HERC4: variants seen among roughly 807,000 people sequenced by gnomAD.
The protein encoded by HERC4 is probable E3 ubiquitin-protein ligase HERC4.
A neutral mutation model predicts 124.3 loss-of-function variants in HERC4; 28 were observed. The ratio of observed to expected loss-of-function variants is 0.23; its 90% CI spans 0.17 to 0.31. The LOEUF is 0.31. HERC4 is among the 10% of genes least tolerant of loss of function. The pLI, the probability that HERC4 is intolerant of heterozygous loss-of-function variation, is 1.00. For synonymous variants in HERC4, 407 were observed against 421.5 expected (o/e 0.97, Z 0.42); for missense variants, 713 against 1,229.3 (o/e 0.58, Z 6.28).
In HERC4 at chr10:68,014,069, T is replaced by A. The variant is rs1185476462; in HGVS notation, c.1026A>T (p.Lys342Asn). 2 of 1,613,250 alleles carry A rather than the reference T, an allele frequency of 1.2e-6. No homozygotes were observed. Among genetic ancestry groups the A allele is most frequent in the African/African-American group, 2.7e-5 (2 of 74,900 alleles). The change falls in exon 9 of 25, where the codon AAA (lysine) becomes AAT (asparagine). Residue 342 changes from lysine to asparagine, a missense_variant. By Grantham distance (94) the Lys-to-Asn change is moderately conservative. Coordinates refer to ENST00000373700, the MANE Select transcript of HERC4 (RefSeq NM_015601.4). The part of the protein sequence containing the change: ...TSNRKSPFTV[K>N]GNWYPYNGQC... ...GCCCATTATAGGGGTACCAATTTCC[T>A]TTTACAGTAAAGGGGCTTTTCCTGT...
intron 3 of HERC4, among the ~76,000 whole-genome samples, chr10:68,053,539 C>T (rs898064913): frequency 6.6e-6 from 1 of 152,032 alleles, no homozygotes; most frequent in Non-Finnish European, 1.5e-5. Context: ...CCTGGACTCA[C>T]GTAATCCTCC....
intron 15 of HERC4, among the ~76,000 whole-genome samples, chr10:67,973,093 A>C (rs1361696559): frequency 5.9e-5 from 9 of 152,242 alleles, no homozygotes; most frequent in Admixed American, 5.2e-4. Flanking sequence ...ACAACTGCTG[A>C]ATCTAGAATG....
chr10:67,962,156 A>AT (rs1263996706), intron 16 of HERC4, among the ~76,000 whole-genome samples: 4 of 152,054 alleles, frequency 2.6e-5, no homozygotes, highest in African/African-American at 7.2e-5. Context: ...CACAGCCTTC[A>AT]TATCACCAAT....
chr10:67,983,861 G>A (rs2036094014), intron 15 of HERC4, among the ~76,000 whole-genome samples: 2 of 152,044 alleles, frequency 1.3e-5, no homozygotes, highest in African/African-American at 4.8e-5. Flanking sequence ...TACTCAGGAG[G>A]CTGAAGCAGC....
At chr10:67,972,866 G>A (rs1003764321) in intron 15 of HERC4, among the ~76,000 whole-genome samples, 4 of 152,090 alleles carry the variant, frequency 2.6e-5, no homozygotes, top group African/African-American at 9.7e-5. Flanking sequence ...TATAAATGAG[G>A]AAATTTGAAA....
intron 16 of HERC4, chr10:67,960,927 C>T: frequency 9.3e-6 from 3 of 322,272 alleles, no homozygotes; most frequent in Non-Finnish European, 1.8e-5. Context: ...TTATTGACCA[C>T]TTCTTTCAAG....
At chr10:67,963,490 G>A (rs1185437147) in intron 16 of HERC4, among the ~76,000 whole-genome samples, 3 of 152,078 alleles carry the variant, frequency 2.0e-5, no homozygotes, top group Admixed American at 6.6e-5. Flanking sequence ...GTGCTGGGAC[G>A]TGAGCCTCCG....
At chr10:68,004,607 T>C (rs960658504) in intron 9 of HERC4, among the ~76,000 whole-genome samples, 7 of 152,174 alleles carry the variant, frequency 4.6e-5, no homozygotes, top group African/African-American at 1.7e-4. Flanking sequence ...CATGCTGCTA[T>C]AAAAAATTGC....
rs78568733 is a variant in HERC4 at position 68,068,906 on chromosome 10, G to A, written c.226+3977C>T. On this transcript the variant is annotated intron_variant, in intron 3 of 24. Coordinates refer to ENST00000373700, the MANE Select transcript of HERC4 (RefSeq NM_015601.4). ...CTGTAAAATGCGGACCATGATACCT[G>A]CCTTAGCTACATACAACTGTTGTGA... 711 of 288,780 alleles carry A rather than the reference G, an allele frequency of 2.5e-3. 4 individuals carry two copies. Among genetic ancestry groups the A allele is most frequent in the African/African-American group, 0.015 (663 of 43,980 alleles). The allele number at this position is 288,780 out of a possible 1,614,324, so 17.9% of individuals were successfully genotyped here. A position where few individuals can be genotyped will look rare whatever the true frequency, so the allele number is the denominator to read the frequency against.
Position 67,978,233 on chromosome 10 carries a change from A to C in HERC4, c.1806+10430T>G, listed in dbSNP as rs1381436471. On this transcript the variant is annotated intron_variant, in intron 15 of 24. Coordinates refer to ENST00000373700, the MANE Select transcript of HERC4 (RefSeq NM_015601.4). The stretch of plus-strand genomic sequence containing the variant: ...GGAGGAGCTGAGATTGCGTCACTGC[A>C]CTCCAGCCTGGGCGACAGGAGACTC... Among the ~76,000 whole-genome samples, 8 of 152,306 alleles carry C rather than the reference A, an allele frequency of 5.3e-5. No homozygotes were observed. In the East Asian group the frequency reaches 1.4e-3, roughly 26 times the overall value.
At chr10:68,049,610 A>AAAAC (rs2040193255) in intron 3 of HERC4, among the ~76,000 whole-genome samples, 1 of 151,010 alleles carries the variant, frequency 6.6e-6, no homozygotes, top group Non-Finnish European at 1.5e-5. Context: ...AAAAAAAAAA[A>AAAAC]AAACACTTTG....
At chr10:68,059,808 T>TATA (rs1322210239) in intron 3 of HERC4, among the ~76,000 whole-genome samples, 3 of 69,440 alleles carry the variant, frequency 4.3e-5, no homozygotes, top group African/African-American at 4.3e-4. Context: ...TATTATATAT[T>TATA]ATAATATTAT....
chr10:68,025,766 A>G, intron 7 of HERC4, 90 bp from the exon 8 acceptor site: 1 of 1,363,808 alleles, frequency 7.3e-7, no homozygotes. Flanking sequence ...CTTTAATATA[A>G]ACTCAGTTTT....
Position 67,947,943 on chromosome 10 carries a change from C to T in HERC4, c.2337+6652G>A, listed in dbSNP as rs367689349. 1.2e-4 allele frequency among the ~76,000 whole-genome samples: 16 copies of T among 133,276 alleles called. No homozygotes were observed. In the East Asian group the frequency reaches 4.3e-3, roughly 36 times the overall value. 87.4% of individuals were successfully genotyped at this position (133,276 alleles called of 152,430 possible). ...TGACCTGGTGATCTGCCCACCTTGG[C>T]CTCCCAAAGTGGTGGGATTACAGGC... On this transcript the variant is annotated intron_variant, in intron 19 of 24. Transcript: ENST00000373700.
chr10:67,998,386 A>G (rs1258417110), intron 9 of HERC4, among the ~76,000 whole-genome samples: 1 of 151,552 alleles, frequency 6.6e-6, no homozygotes, highest in Non-Finnish European at 1.5e-5. Context: ...CATCTCTACT[A>G]AAAATACAAA....
At position 68,070,382 on chromosome 10, in the gene HERC4, G is replaced by A. The variant is rs551164067; in HGVS notation, c.226+2501C>T. ...AGCACTTCGGGAGGCCAAGGCAGGCGGATCACCTGAGGTCAGGAGTTCGAG... is the reference window on the plus strand; with the variant it reads ...AGCACTTCGGGAGGCCAAGGCAGGCAGATCACCTGAGGTCAGGAGTTCGAG... On this transcript the variant is annotated intron_variant, in intron 3 of 24. Coordinates refer to ENST00000373700, the MANE Select transcript of HERC4 (RefSeq NM_015601.4). 1.1e-3 allele frequency: 635 copies of A among 577,372 alleles called. 2 individuals are homozygous for A. The African/African-American group carries it at 0.012, about 11-fold the overall frequency. 35.8% of individuals were successfully genotyped at this position (577,372 alleles called of 1,614,324 possible).
At chr10:68,060,637 G>T (rs2040958817) in intron 3 of HERC4, among the ~76,000 whole-genome samples, 1 of 152,134 alleles carries the variant, frequency 6.6e-6, no homozygotes, top group Non-Finnish European at 1.5e-5. Flanking sequence ...AACTTATAAT[G>T]TGTTCTCTTT....
chr10:67,933,443 T>C (rs1335416158), intron 22 of HERC4, among the ~76,000 whole-genome samples: 2 of 152,264 alleles, frequency 1.3e-5, no homozygotes, highest in East Asian at 3.9e-4. Context: ...TGAACCACAA[T>C]CTTATTCAAT....
chr10:67,998,687 C>T (rs540188288), intron 9 of HERC4, among the ~76,000 whole-genome samples: 4 of 152,190 alleles, frequency 2.6e-5, no homozygotes, highest in Admixed American at 1.3e-4. Context: ...GTTTCTAATC[C>T]ACATATTCTA....
Sources: gnomAD v4.1 joint callset for allele counts (sites outside exome capture counted in the v4.1 genomes callset) on GRCh38, gnomAD v4.1.1 for gene constraint, MANE v1.5 for transcripts, NCBI Gene and HGNC (gene_info 2026-07-23, HGNC 2026-07-21) for gene names.